Variants in WDR72 observed in about 807,000 individuals in gnomAD.
WDR72 encodes the protein WD repeat-containing protein 72.
WDR72 carries 120 observed loss-of-function variants against 124.2 expected under a neutral mutation model. The ratio of observed to expected loss-of-function variants is 0.97; its 90% CI spans 0.83 to 1.12. The LOEUF (loss-of-function observed/expected upper bound fraction) is 1.12. WDR72 is among the 50% of genes most tolerant of loss of function. WDR72 has a pLI of 0.00. For missense variants in WDR72, 1,387 were observed against 1,278.8 expected, an observed-to-expected ratio of 1.08 and a Z score of -1.29; for synonymous variants, 452 against 441.7, an observed-to-expected ratio of 1.02 and a Z score of -0.29.
chr15:53,703,678 G>A (rs1277250497), intron 11 of WDR72, among the ~76,000 whole-genome samples: 2 of 151,990 alleles, frequency 1.3e-5, no homozygotes, highest in Admixed American at 6.6e-5. Flanking sequence ...ACACTACTGT[G>A]CTAGGGGGTT....
At chr15:53,661,954 C>T (rs1003437534) in intron 14 of WDR72, among the ~76,000 whole-genome samples, 1 of 152,118 alleles carries the variant, frequency 6.6e-6, no homozygotes, top group Non-Finnish European at 1.5e-5. Context: ...ATCCACTTTA[C>T]CCTTTTATTC....
chr15:53,630,857 G>A (rs576893257), intron 14 of WDR72, among the ~76,000 whole-genome samples: 73 of 152,166 alleles, frequency 4.8e-4, no homozygotes, highest in East Asian at 5.8e-4. Context: ...CGTCCTGGAC[G>A]GGGTGATTAA....
At chr15:53,590,221 C>T (rs1331835706) in intron 18 of WDR72, among the ~76,000 whole-genome samples, 1 of 151,954 alleles carries the variant, frequency 6.6e-6, no homozygotes, top group Non-Finnish European at 1.5e-5. Flanking sequence ...GTACCCCCAA[C>T]CCTTATTCCT....
intron 13 of WDR72, among the ~76,000 whole-genome samples, chr15:53,684,902 C>T (rs962087833): frequency 1.4e-4 from 22 of 152,182 alleles, no homozygotes; most frequent in African/African-American, 4.8e-4. Flanking sequence ...GGTGCCTGAC[C>T]CCTGACCCCG....
chr15:53,753,285 A>C (rs2018818036), intron 1 of WDR72, among the ~76,000 whole-genome samples: 1 of 152,222 alleles, frequency 6.6e-6, no homozygotes. Flanking sequence ...CATAGGCAGA[A>C]ATACAGGCCT....
At chr15:53,752,635 T>C (rs2018802367) in intron 1 of WDR72, among the ~76,000 whole-genome samples, 1 of 152,194 alleles carries the variant, frequency 6.6e-6, no homozygotes, top group South Asian at 2.1e-4. Context: ...GACAACACAT[T>C]TCTGTTGTGT....
chr15:53,630,579 G>A (rs765160978), intron 14 of WDR72, among the ~76,000 whole-genome samples: 13 of 151,906 alleles, frequency 8.6e-5, no homozygotes, highest in East Asian at 1.9e-4. Flanking sequence ...TTAACATAAC[G>A]TATCATATTA....
chr15:53,762,672 A>G (rs924762839), upstream of WDR72: 6 of 152,166 alleles, frequency 3.9e-5, no homozygotes, highest in African/African-American at 1.4e-4. Flanking sequence ...AGCCTTCTCC[A>G]TAGTTTTCAT....
At chr15:53,600,267 A>G (rs531558067) in intron 17 of WDR72, among the ~76,000 whole-genome samples, 1 of 152,280 alleles carries the variant, frequency 6.6e-6, no homozygotes, top group African/African-American at 2.4e-5. Flanking sequence ...TAATAGATAG[A>G]TTTTACAGGT....
Position 53,523,555 on chromosome 15 carries a change from G to A in WDR72, c.3149-233C>T, listed in dbSNP as rs10518725. 0.16 allele frequency among the ~76,000 whole-genome samples: 23,937 copies of A among 151,916 alleles called. 2,227 individuals carry two copies. The highest frequency in any genetic ancestry group is 0.26 in the Middle Eastern group (75 of 294). On this transcript the variant is annotated intron_variant, in intron 18 of 19. Transcript: ENST00000360509. Reference sequence around the variant, plus strand: ...TATCTTAGAAGAAAAATAAGTTCACGGCATCAGCTTAAAAGCTACAAAGTA... The same window carrying A: ...TATCTTAGAAGAAAAATAAGTTCACAGCATCAGCTTAAAAGCTACAAAGTA...
At chr15:53,729,485 T>TAAAA (rs553403926) in intron 2 of WDR72, among the ~76,000 whole-genome samples, 32 of 21,326 alleles carry the variant, frequency 1.5e-3, no homozygotes, top group Admixed American at 9.5e-3. Context: ...CTCTATCTAG[T>TAAAA]GAAAAAAAAA....
chr15:53,648,090 A>C (rs934974721), intron 14 of WDR72, among the ~76,000 whole-genome samples: 3 of 152,146 alleles, frequency 2.0e-5, no homozygotes, highest in Admixed American at 6.6e-5. Flanking sequence ...CGTCTGTTTG[A>C]ATAGACACGT....
rs1008172791 is a variant in WDR72, at chr15:53,689,490, G to A, written c.1765+10260C>T. Among the ~76,000 whole-genome samples, 5 of 149,058 alleles carry A rather than the reference G, an allele frequency of 3.4e-5. 1 individual carries two copies. Among genetic ancestry groups the A allele is most frequent in the African/African-American group, 1.3e-4 (5 of 39,056 alleles). On this transcript the variant is annotated intron_variant, in intron 13 of 19. Transcript: ENST00000360509. ...ATGCTCATCATCTCTGGCCATCAGA[G>A]AAATGCAAATCAAAACCACAATGAG...
At chr15:53,722,777 G>T (rs752169735) in intron 3 of WDR72, 25 bp downstream of exon 3, 3 of 1,598,002 alleles carry the variant, frequency 1.9e-6, no homozygotes, top group Non-Finnish European at 2.6e-6. Context: ...TGGAGAAGGG[G>T]ACAAAGTTTA....
intron 14 of WDR72, among the ~76,000 whole-genome samples, chr15:53,641,435 GGCTCCAGC>G (rs534971636): frequency 8.3e-4 from 126 of 152,062 alleles, no homozygotes; most frequent in African/African-American, 2.7e-3. Flanking sequence ...GAAGAAGGAA[GGCTCCAGC>G]CATCATTCTG....
chr15:53,715,984 C>T (rs1330265123), intron 4 of WDR72, among the ~76,000 whole-genome samples: 3 of 152,122 alleles, frequency 2.0e-5, no homozygotes, highest in Admixed American at 6.5e-5. Context: ...TACTTTCAAC[C>T]AGCTCTCTCT....
chr15:53,628,227 C>T (rs1006887491), intron 14 of WDR72, among the ~76,000 whole-genome samples: 4 of 152,098 alleles, frequency 2.6e-5, no homozygotes, highest in African/African-American at 9.7e-5. Flanking sequence ...TTCTAAATTA[C>T]TTCTACATTT....
rs911824449 is a variant in WDR72 at position 53,523,075 on chromosome 15, C to T, written c.3253+143G>A. On this transcript the variant is annotated intron_variant, in intron 19 of 19. Transcript: ENST00000360509. ...AAGATAACAGCTCCACACTGTGACC[C>T]CTGGAGGTGACCATTAATTTGACAG... The T allele has an allele frequency of 2.1e-5, 17 of 794,296 alleles. No homozygotes were observed. In the Admixed American group the frequency reaches 2.8e-4, roughly 13 times the overall value. 49.2% of individuals were successfully genotyped at this position (794,296 alleles called of 1,614,324 possible). A position where few individuals can be genotyped will look rare whatever the true frequency, so the allele number is the denominator to read the frequency against.
chr15:53,677,065 C>A (rs1005857887), intron 13 of WDR72, among the ~76,000 whole-genome samples: 2 of 151,754 alleles, frequency 1.3e-5, no homozygotes, highest in Non-Finnish European at 2.9e-5. Flanking sequence ...GGACTACAGG[C>A]ACCCTCCCGC....
Sources: allele counts gnomAD v4.1 joint callset (sites outside exome capture counted in the v4.1 genomes callset), GRCh38; gene constraint gnomAD v4.1.1; transcripts MANE v1.5; gene names NCBI Gene and HGNC (gene_info 2026-07-23, HGNC 2026-07-21).